Variants in SRGAP2 observed in about 807,000 individuals in gnomAD.
SRGAP2 encodes SLIT-ROBO Rho GTPase activating protein 2, also known as SLIT-ROBO Rho GTPase-activating protein 2.
SRGAP2 carries 15 observed loss-of-function variants against 57.2 expected under a neutral mutation model. The observed-to-expected ratio is 0.26, with a 90% confidence interval of 0.18 to 0.40. The LOEUF (loss-of-function observed/expected upper bound fraction) is 0.40, where lower values mean the gene tolerates loss of function less well. Ranked by LOEUF, SRGAP2 falls within the 10% of genes least tolerant of loss-of-function variation. The pLI, the probability that SRGAP2 is intolerant of heterozygous loss-of-function variation, is 1.00. For synonymous variants in SRGAP2, 249 were observed against 248.0 expected (o/e 1.00, Z -0.04); for missense variants, 520 against 669.6 (o/e 0.78, Z 2.47).
At chr1:206,253,785 G>A (rs1277398088) in intron 2 of SRGAP2, among the ~76,000 whole-genome samples, 42 of 150,470 alleles carry the variant, frequency 2.8e-4, no homozygotes, top group African/African-American at 9.0e-4. Flanking sequence ...GGGTTTCACC[G>A]TGTTAACCAG....
At chr1:206,448,028 C>G (rs373682611) in intron 18 of SRGAP2, among the ~76,000 whole-genome samples, 2 of 152,174 alleles carry the variant, frequency 1.3e-5, no homozygotes, top group African/African-American at 2.4e-5. Flanking sequence ...ACCTGAGGAA[C>G]AAGAGTCAGC....
intron 4 of SRGAP2, among the ~76,000 whole-genome samples, chr1:206,354,481 T>G (rs1342610339): frequency 6.6e-6 from 1 of 152,200 alleles, no homozygotes; most frequent in Non-Finnish European, 1.5e-5. Context: ...AATTCTATCT[T>G]CCTTACAGTG....
At chr1:206,206,300 C>T (rs192133159) in intron 2 of SRGAP2, 14 of 466,552 alleles carry the variant, frequency 3.0e-5, no homozygotes, top group East Asian at 1.4e-4. Flanking sequence ...CTTTCCCCCC[C>T]AAGCCGGACA....
chr1:206,313,091 C>A (rs560890164), intron 3 of SRGAP2, among the ~76,000 whole-genome samples: 1 of 147,950 alleles, frequency 6.8e-6, no homozygotes, highest in East Asian at 2.0e-4. Flanking sequence ...AGCAATACTT[C>A]TACATTTCTG....
At chr1:206,357,582 C>CT (rs781912077) in intron 4 of SRGAP2, among the ~76,000 whole-genome samples, 2,758 of 77,982 alleles carry the variant, frequency 0.035, 81 homozygotes, top group African/African-American at 0.08. Context: ...GCTATGTTGT[C>CT]TTTTTTTTTT....
At chr1:206,397,447 C>T (rs1657704773) in intron 7 of SRGAP2, among the ~76,000 whole-genome samples, 1 of 152,132 alleles carries the variant, frequency 6.6e-6, no homozygotes, top group African/African-American at 2.4e-5. Flanking sequence ...AGCCTTCTGC[C>T]TCCTTCTTAG....
rs574075736 is a variant in SRGAP2 at position 206,421,232 on chromosome 1, C to G, written c.1470-18C>G. 1.3e-6 allele frequency: 1 copy of G among 777,864 alleles called. No individual in the cohort carries two copies. Among genetic ancestry groups the G allele is most frequent in the Non-Finnish European group, 2.4e-6 (1 of 416,652 alleles). 48.2% of individuals were successfully genotyped at this position (777,864 alleles called of 1,614,324 possible). A position where few individuals can be genotyped will look rare whatever the true frequency, so the allele number is the denominator to read the frequency against. On this transcript the variant is annotated intron_variant, in intron 12 of 22. Transcript: ENST00000573034. Reference sequence around the variant, plus strand: ...GTTGCTGGATTGGTCCAATCTGATTCGGCGGGATTGGTCACAGGCGCAGCT... The same window carrying G: ...GTTGCTGGATTGGTCCAATCTGATTGGGCGGGATTGGTCACAGGCGCAGCT...
At chr1:206,295,275 G>A (rs1441865680) in intron 2 of SRGAP2, among the ~76,000 whole-genome samples, 3 of 152,034 alleles carry the variant, frequency 2.0e-5, no homozygotes, top group African/African-American at 7.2e-5. Context: ...CCAGGCTGGA[G>A]TGCAATGGTG....
chr1:206,303,450 C>T lies in SRGAP2; in HGVS notation c.237C>T (p.Arg79=). 6.5e-7 allele frequency: 1 copy of T among 1,544,518 alleles called. No individual in the cohort carries two copies. The highest frequency in any genetic ancestry group is 1.2e-5 in the South Asian group (1 of 83,218). ...KLAERFLAKT[R]STKDQQFKKD... Reference sequence around the variant, plus strand: ...CAGAACGCTTCCTGGCCAAGACACGCAGCACCAAGGACCAGCAATTCAAGT... The same window carrying T: ...CAGAACGCTTCCTGGCCAAGACACGTAGCACCAAGGACCAGCAATTCAAGT... Residue 79 remains arginine, a synonymous_variant, in exon 3 of 23, where the codon CGC becomes CGT. Transcript: ENST00000573034.
intron 2 of SRGAP2, chr1:206,214,374 A>G (rs1241856020): frequency 6.6e-6 from 1 of 151,262 alleles, no homozygotes; most frequent in Non-Finnish European, 1.5e-5. Flanking sequence ...CTAGTATCCC[A>G]TTTTACTGAT....
At chr1:206,446,460 G>A (rs773369693) in intron 18 of SRGAP2, among the ~76,000 whole-genome samples, 161 bp downstream of exon 18, 1 of 152,132 alleles carries the variant, frequency 6.6e-6, no homozygotes, top group South Asian at 2.1e-4. Flanking sequence ...CCCCCACCTC[G>A]GCCCCACCCA....
chr1:206,270,818 T>C (rs1416325497), intron 2 of SRGAP2, among the ~76,000 whole-genome samples: 1 of 32,752 alleles, frequency 3.1e-5, no homozygotes, highest in Admixed American at 3.2e-4. Flanking sequence ...TATAAGAAAA[T>C]GGTTTCCTCA....
chr1:206,342,046 T>C (rs547753155), intron 3 of SRGAP2, among the ~76,000 whole-genome samples: 1 of 152,238 alleles, frequency 6.6e-6, no homozygotes, highest in East Asian at 1.9e-4. Context: ...ACTGCTCCAC[T>C]CAAGCTGTAG....
At chr1:206,309,857 A>G (rs1672506537) in intron 3 of SRGAP2, among the ~76,000 whole-genome samples, 1 of 151,198 alleles carries the variant, frequency 6.6e-6, no homozygotes, top group Non-Finnish European at 1.5e-5. Flanking sequence ...GAGGAGAACA[A>G]AGAACTAAAT....
At chr1:206,340,776 G>C (rs1553334968) in intron 3 of SRGAP2, among the ~76,000 whole-genome samples, 1 of 149,430 alleles carries the variant, frequency 6.7e-6, no homozygotes, top group Non-Finnish European at 1.5e-5. Context: ...TTACCATTTT[G>C]AATTTAGGAT....
chr1:206,458,470 A>G, intron 21 of SRGAP2, 153 bp from the exon 22 acceptor site: 1 of 715,220 alleles, frequency 1.4e-6, no homozygotes, highest in Admixed American at 2.0e-5. Context: ...GACATGGAGA[A>G]TGCAAGAGAA....
At chr1:206,427,639 G>A (rs980988507) in intron 13 of SRGAP2, among the ~76,000 whole-genome samples, 3 of 152,134 alleles carry the variant, frequency 2.0e-5, no homozygotes, top group Admixed American at 6.5e-5. Flanking sequence ...TCAGAGCCAG[G>A]GGGGGGATCC....
intron 3 of SRGAP2, among the ~76,000 whole-genome samples, chr1:206,325,800 T>C (rs1203564348): frequency 6.6e-6 from 1 of 152,172 alleles, no homozygotes; most frequent in East Asian, 1.9e-4. Flanking sequence ...TTAAATTTTT[T>C]GGTGTGCATA....
rs1280943358 is a variant in SRGAP2, at chr1:206,352,735, C to T, written c.423+9727C>T. Among the ~76,000 whole-genome samples the T allele has an allele frequency of 2.2e-4, 33 of 148,262 alleles. No homozygotes were observed. The Middle Eastern group carries it at 0.01, about 46-fold the overall frequency. Reference sequence around the variant, plus strand: ...ATGTAATTCACTTGCCTTCTGGCCTCCATTATTTCTGATGAGAAATCAGCT... The same window carrying T: ...ATGTAATTCACTTGCCTTCTGGCCTTCATTATTTCTGATGAGAAATCAGCT... On this transcript the variant is annotated intron_variant, in intron 4 of 22. Transcript: ENST00000573034.
Sources: gnomAD v4.1 joint callset for allele counts (sites outside exome capture counted in the v4.1 genomes callset) on GRCh38, gnomAD v4.1.1 for gene constraint, MANE v1.5 for transcripts, NCBI Gene and HGNC (gene_info 2026-07-23, HGNC 2026-07-21) for gene names.